Variants in ESRRG observed in about 807,000 individuals in gnomAD.
ESRRG encodes estrogen-related receptor gamma.
Under a neutral mutation model 44.0 loss-of-function variants are expected in ESRRG, and 13 were observed. The observed-to-expected ratio is 0.30, with a 90% CI of 0.19 to 0.47. The LOEUF (loss-of-function observed/expected upper bound fraction) is 0.47, where lower values mean the gene tolerates loss of function less well. Among genes scored for constraint, ESRRG ranks in the 20% least tolerant of loss-of-function variants. The pLI, the probability that ESRRG is intolerant of heterozygous loss-of-function variation, is 1.00. For synonymous variants in ESRRG, 215 were observed against 214.6 expected, an observed-to-expected ratio of 1.00 and a Z score of -0.02; for missense variants, 395 against 580.6, an observed-to-expected ratio of 0.68 and a Z score of 3.29.
intron 1 of ESRRG, among the ~76,000 whole-genome samples, chr1:216,699,014 A>C (rs1287807984): frequency 6.6e-6 from 1 of 152,136 alleles, no homozygotes; most frequent in African/African-American, 2.4e-5. Flanking sequence ...TATCCCTGGA[A>C]CCTCACGAGG....
chr1:216,640,488 G>GGA (rs72397494), intron 3 of ESRRG, among the ~76,000 whole-genome samples: 2,383 of 146,936 alleles, frequency 0.016, 33 homozygotes, highest in East Asian at 0.054. Flanking sequence ...ACTAAGTGAG[G>GGA]GAGAGAGAGA....
At chr1:216,922,924 A>C (rs2062020606) in intron 2 of ESRRG, among the ~76,000 whole-genome samples, 2 of 152,128 alleles carry the variant, frequency 1.3e-5, no homozygotes, top group Admixed American at 1.3e-4. Context: ...TCACGCCTGC[A>C]CACTGTATAT....
rs187450863 is a variant in ESRRG, at chr1:217,107,931, C to T, written c.-230+29736G>A. ...ATGTGCATATATAGATAAAAATCTT[C>T]ATAAACAGACTAGCCCATTTGAGAT... On this transcript the variant is annotated intron_variant, in intron 1 of 8. Coordinates refer to the ESRRG transcript ENST00000366940. Among the ~76,000 whole-genome samples, 12 of 152,052 alleles carry T rather than the reference C, an allele frequency of 7.9e-5. No individual in the cohort carries two copies. The East Asian group carries it at 2.1e-3, about 27-fold the overall frequency.
chr1:216,646,324 T>A (rs1348451921), intron 3 of ESRRG, among the ~76,000 whole-genome samples: 1 of 152,154 alleles, frequency 6.6e-6, no homozygotes, highest in Non-Finnish European at 1.5e-5. Context: ...ACAAATTACA[T>A]GACCTTGGGT....
intron 5 of ESRRG, among the ~76,000 whole-genome samples, chr1:216,552,336 A>G (rs1043529839): frequency 8.5e-5 from 13 of 152,206 alleles, no homozygotes; most frequent in African/African-American, 2.7e-4. Flanking sequence ...ATAAATATCA[A>G]TAATGCACAA....
intron 6 of ESRRG, among the ~76,000 whole-genome samples, chr1:216,510,350 GC>G (rs2042337783): frequency 6.6e-6 from 1 of 152,052 alleles, no homozygotes; most frequent in African/African-American, 2.4e-5. Flanking sequence ...ACATATTATT[GC>G]CCACATATTA....
chr1:216,812,021 A>G (rs1274022542), intron 2 of ESRRG, among the ~76,000 whole-genome samples: 1 of 152,206 alleles, frequency 6.6e-6, no homozygotes, highest in African/African-American at 2.4e-5. Flanking sequence ...CAGGGAGGTC[A>G]TTAAAACAGA....
chr1:216,523,539 T>C (rs1302783173), intron 5 of ESRRG, among the ~76,000 whole-genome samples: 2 of 151,404 alleles, frequency 1.3e-5, no homozygotes, highest in Admixed American at 6.6e-5. Flanking sequence ...CTGATGCACT[T>C]TGCAGTCAAC....
chr1:217,122,720 G>T (rs538040512), intron 1 of ESRRG, among the ~76,000 whole-genome samples: 69 of 147,518 alleles, frequency 4.7e-4, no homozygotes, highest in African/African-American at 1.7e-3. Flanking sequence ...GCCCAGGCTG[G>T]AGTACAATGG....
chr1:216,596,120 A>C (rs1262464775), intron 3 of ESRRG, among the ~76,000 whole-genome samples: 1 of 152,188 alleles, frequency 6.6e-6, no homozygotes, highest in Non-Finnish European at 1.5e-5. Flanking sequence ...ATGAGGAACA[A>C]CATAAAACAC....
At chr1:216,736,670 C>G (rs1043683402) in intron 2 of ESRRG, among the ~76,000 whole-genome samples, 5 of 152,136 alleles carry the variant, frequency 3.3e-5, no homozygotes, top group Admixed American at 3.3e-4. Flanking sequence ...CTGCATTTCG[C>G]TGGGCTTCAG....
intron 1 of ESRRG, among the ~76,000 whole-genome samples, chr1:217,088,927 C>T (rs1484132213): frequency 6.6e-6 from 1 of 151,964 alleles, no homozygotes; most frequent in African/African-American, 2.4e-5. Context: ...GGGTGACCTC[C>T]GTGCAACTTC....
At chr1:216,891,220 G>A (rs2057748066) in intron 2 of ESRRG, among the ~76,000 whole-genome samples, 3 of 152,118 alleles carry the variant, frequency 2.0e-5, no homozygotes, top group Admixed American at 2.0e-4. Context: ...ATGCTCCACT[G>A]TTATCATCTT....
At chr1:217,115,223 T>G (rs1340421302) in intron 1 of ESRRG, among the ~76,000 whole-genome samples, 1 of 152,232 alleles carries the variant, frequency 6.6e-6, no homozygotes, top group Non-Finnish European at 1.5e-5. Flanking sequence ...TCTCCCAGAC[T>G]GAATAACTTG....
chr1:217,090,181 GC>G (rs1055934543), upstream of ESRRG, among the ~76,000 whole-genome samples: 3 of 152,064 alleles, frequency 2.0e-5, no homozygotes, highest in Admixed American at 6.5e-5. Context: ...CGCAGCCGCT[GC>G]AAACGGAAAG....
Position 216,691,022 on chromosome 1 carries a change from T to C in ESRRG, c.57-13531A>G, listed in dbSNP as rs562408865. On this transcript the variant is annotated intron_variant, in intron 1 of 6. Coordinates refer to ENST00000408911, the MANE Select transcript of ESRRG (RefSeq NM_001438.4). Reference sequence around the variant, plus strand: ...AGAAAAGAAAGCTAACCTGCCTTCATTTGCCATTTTCTTCCCTCAAAATAT... The same window carrying C: ...AGAAAAGAAAGCTAACCTGCCTTCACTTGCCATTTTCTTCCCTCAAAATAT... 5.3e-5 allele frequency among the ~76,000 whole-genome samples: 8 copies of C among 152,334 alleles called. No individual in the cohort carries two copies. In the South Asian group the frequency reaches 1.2e-3, roughly 24 times the overall value.
Position 217,102,017 on chromosome 1 carries a change from A to T in ESRRG, c.-230+35650T>A, listed in dbSNP as rs556553623. On this transcript the variant is annotated intron_variant, in intron 1 of 8. Coordinates refer to the ESRRG transcript ENST00000366940. ...GATGGGGTGTCTCCATGTTAGTCAGACTGGTCTCGAATTCCCGACCTCAGG... is the reference window on the plus strand; with the variant it reads ...GATGGGGTGTCTCCATGTTAGTCAGTCTGGTCTCGAATTCCCGACCTCAGG... Among the ~76,000 whole-genome samples the T allele has an allele frequency of 1.3e-3, 194 of 152,196 alleles. 1 individual carries two copies. Among genetic ancestry groups the T allele is most frequent in the African/African-American group, 4.6e-3 (190 of 41,536 alleles).
intron 1 of ESRRG, among the ~76,000 whole-genome samples, chr1:217,137,033 G>C (rs1558303112): frequency 6.6e-6 from 1 of 152,254 alleles, no homozygotes; most frequent in East Asian, 1.9e-4. Flanking sequence ...TGGGAGTCAA[G>C]CCCGTCCCGT....
chr1:216,856,824 C>CTT lies in ESRRG; in HGVS notation c.-14+82756_-14+82757dup, dbSNP rs1160824240. On this transcript the variant is annotated intron_variant, in intron 2 of 7. Transcript: ENST00000359162. ...GTCTCTTAAGACCCAGTTAAGAAGCCTTTTTAAAATGCCTTAAAAAGCCAA... is the reference window on the plus strand; with the variant it reads ...GTCTCTTAAGACCCAGTTAAGAAGCCTTTTTTTAAAATGCCTTAAAAAGCCAA... Among the ~76,000 whole-genome samples, 7 of 152,246 alleles carry CTT rather than the reference C, an allele frequency of 4.6e-5. No individual in the cohort carries two copies. The East Asian group carries it at 1.4e-3, about 29-fold the overall frequency.
Sources: allele counts gnomAD v4.1 joint callset (sites outside exome capture counted in the v4.1 genomes callset), GRCh38; gene constraint gnomAD v4.1.1; transcripts MANE v1.5; gene names NCBI Gene and HGNC (gene_info 2026-07-23, HGNC 2026-07-21).